Variants in CAMK4 observed in about 807,000 individuals in gnomAD.
The protein encoded by CAMK4 is calcium/calmodulin-dependent protein kinase type IV.
A neutral mutation model predicts 44.9 loss-of-function variants in CAMK4; 22 were observed. The ratio of observed to expected loss-of-function variants is 0.49; its 90% CI spans 0.35 to 0.70. CAMK4 has a LOEUF of 0.70. Among genes scored for constraint, CAMK4 ranks in the 30% least tolerant of loss-of-function variants. The pLI, the probability that CAMK4 is intolerant of heterozygous loss-of-function variation, is 0.01. For missense variants in CAMK4, 498 were observed against 586.8 expected (o/e 0.85, Z 1.56); for synonymous variants, 218 against 215.4 (o/e 1.01, Z -0.11).
At chr5:111,427,475 C>A (rs1371742422) in intron 5 of CAMK4, among the ~76,000 whole-genome samples, 1 of 152,166 alleles carries the variant, frequency 6.6e-6, no homozygotes, top group Non-Finnish European at 1.5e-5. Flanking sequence ...GAACTTGAAT[C>A]TTGGGTGGCA....
At chr5:111,247,631 C>G (rs1039994004) in intron 1 of CAMK4, among the ~76,000 whole-genome samples, 2 of 151,904 alleles carry the variant, frequency 1.3e-5, no homozygotes, top group Non-Finnish European at 2.9e-5. Context: ...GGAACTAATA[C>G]TATAGCTTTG....
rs967868048 is a variant in CAMK4 at position 111,491,415 on chromosome 5, T to C, written c.*6949T>C. 1 of 151,648 alleles carries C rather than the reference T, an allele frequency of 6.6e-6. No individual in the cohort carries two copies. Among genetic ancestry groups the C allele is most frequent in the Non-Finnish European group, 1.5e-5 (1 of 67,918 alleles). The allele number at this position is 151,648 out of a possible 1,614,324, so 9.4% of individuals were successfully genotyped here. ...TTTGGTGACTTGCAGGAATACAGATTCCTATATTCCAGTTTGTTTTTTTTT... is the reference window on the plus strand; with the variant it reads ...TTTGGTGACTTGCAGGAATACAGATCCCTATATTCCAGTTTGTTTTTTTTT... On this transcript the variant is annotated 3_prime_UTR_variant, in exon 11 of 11. Transcript: ENST00000282356.
chr5:111,407,832 A>G lies in CAMK4; in HGVS notation c.459+13050A>G, dbSNP rs140222847. On this transcript the variant is annotated intron_variant, in intron 5 of 10. Coordinates refer to ENST00000282356, the MANE Select transcript of CAMK4 (RefSeq NM_001744.6). ...GCAGGCCACAAGAGAAGGGCTTAAG[A>G]AAGAATGACTAGGCTGGGCATGGTG... 3.0e-3 allele frequency among the ~76,000 whole-genome samples: 463 copies of G among 152,328 alleles called. 3 individuals are homozygous for G. The highest frequency in any genetic ancestry group is 0.011 in the African/African-American group (442 of 41,580).
intron 5 of CAMK4, among the ~76,000 whole-genome samples, chr5:111,409,149 A>C (rs759558901): frequency 1.3e-5 from 2 of 152,172 alleles, no homozygotes; most frequent in Non-Finnish European, 2.9e-5. Context: ...TGTGGGGGCT[A>C]CAACCCTATA....
At chr5:111,362,642 C>G (rs1435779543) in intron 2 of CAMK4, among the ~76,000 whole-genome samples, 1 of 151,802 alleles carries the variant, frequency 6.6e-6, no homozygotes, top group African/African-American at 2.4e-5. Flanking sequence ...TGTTGATTTC[C>G]TTCTATCCCT....
chr5:111,462,158 C>A (rs914001676), intron 7 of CAMK4, among the ~76,000 whole-genome samples: 1 of 152,184 alleles, frequency 6.6e-6, no homozygotes, highest in African/African-American at 2.4e-5. Flanking sequence ...ACTTGCAAGT[C>A]TATTCTCTTT....
chr5:111,358,111 G>T (rs1750443423), intron 2 of CAMK4: 1 of 152,090 alleles, frequency 6.6e-6, no homozygotes, highest in Admixed American at 6.6e-5. Context: ...GCACAGAGAA[G>T]CGGAGTGCTG....
chr5:111,373,722 C>T (rs1289170350), intron 2 of CAMK4, among the ~76,000 whole-genome samples: 2 of 152,112 alleles, frequency 1.3e-5, no homozygotes, highest in African/African-American at 4.8e-5. Flanking sequence ...TAGAGTTTGG[C>T]TGTGAATTGC....
At chr5:111,331,398 C>A (rs56830381) in intron 1 of CAMK4, among the ~76,000 whole-genome samples, 1 of 151,680 alleles carries the variant, frequency 6.6e-6, no homozygotes, top group Non-Finnish European at 1.5e-5. Flanking sequence ...CTCATACCCA[C>A]TAAAATAGCA....
chr5:111,411,620 A>G (rs533512585), intron 5 of CAMK4, among the ~76,000 whole-genome samples: 2 of 152,240 alleles, frequency 1.3e-5, no homozygotes, highest in Non-Finnish European at 2.9e-5. Context: ...CAGCATAGAA[A>G]CAAGACAAGT....
chr5:111,459,825 C>T (rs1469284590), intron 7 of CAMK4, among the ~76,000 whole-genome samples: 1 of 151,648 alleles, frequency 6.6e-6, no homozygotes, highest in East Asian at 1.9e-4. Flanking sequence ...GCCTCAGCCT[C>T]CCAAGTAGCT....
intron 5 of CAMK4, among the ~76,000 whole-genome samples, chr5:111,400,841 G>A (rs1424054111): frequency 6.6e-6 from 1 of 152,086 alleles, no homozygotes; most frequent in Non-Finnish European, 1.5e-5. Context: ...TCCTGTAGTA[G>A]CACAATACCA....
At position 111,446,795 on chromosome 5, in the gene CAMK4, G is replaced by C. The variant is rs1278322552; in HGVS notation, c.550+19G>C. On this transcript the variant is annotated intron_variant, in intron 6 of 10. Transcript: ENST00000282356. ...AAAATCGGTGAGAACATTTCTTCTT[G>C]TTTTGTGACCCCTTTTTTCAGAGCA... 1 of 1,470,906 alleles carries C rather than the reference G, an allele frequency of 6.8e-7. No homozygotes were observed. Among genetic ancestry groups the C allele is most frequent in the Non-Finnish European group, 9.5e-7 (1 of 1,049,888 alleles). 91.1% of individuals were successfully genotyped at this position (1,470,906 alleles called of 1,614,324 possible).
chr5:111,407,749 G>A (rs1752488973), intron 5 of CAMK4, among the ~76,000 whole-genome samples: 1 of 152,136 alleles, frequency 6.6e-6, no homozygotes, highest in Admixed American at 6.5e-5. Flanking sequence ...CTCCCTCAGA[G>A]GACAGTGTTT....
chr5:111,242,037 G>A (rs543174665), intron 1 of CAMK4, among the ~76,000 whole-genome samples: 41 of 152,258 alleles, frequency 2.7e-4, no homozygotes, highest in Admixed American at 8.5e-4. Flanking sequence ...GGAAGACCAC[G>A]CAGGCAACTT....
At chr5:111,249,666 A>ATATATATGTGTGTG (rs1242789662) in intron 1 of CAMK4, among the ~76,000 whole-genome samples, 2 of 140,688 alleles carry the variant, frequency 1.4e-5, no homozygotes, top group African/African-American at 5.3e-5. Context: ...GTGTATATAT[A>ATATATATGTGTGTG]TGTGTGTGTG....
In CAMK4 at chr5:111,478,471, C is replaced by T. The variant is rs1755321761; in HGVS notation, c.792C>T (p.Pro264=). The change falls in exon 9 of 11, where the codon CCC becomes CCT. Residue 264 remains proline, a synonymous_variant. Transcript: ENST00000282356. ...ILNCEYYFIS[P]WWDEVSLNAK... ...ATTGTGAATATTACTTTATCTCCCC[C>T]TGGTGGGATGAAGTATCTCTAAATG... The T allele has an allele frequency of 6.5e-7, 1 of 1,544,960 alleles. No individual in the cohort carries two copies.
intron 1 of CAMK4, among the ~76,000 whole-genome samples, chr5:111,292,221 A>T (rs1747295142): frequency 6.6e-6 from 1 of 152,218 alleles, no homozygotes; most frequent in Admixed American, 6.5e-5. Context: ...CCTCATGGAT[A>T]GTGATAGTGT....
rs189936248 is a variant in CAMK4 at position 111,293,219 on chromosome 5, A to C, written c.162-50805A>C. On this transcript the variant is annotated intron_variant, in intron 1 of 10. Transcript: ENST00000282356. Reference sequence around the variant, plus strand: ...CGTATGGAGAAATGGCACGTGTCATACATTGTTCTGGATTCTGGGGTGCCC... The same window carrying C: ...CGTATGGAGAAATGGCACGTGTCATCCATTGTTCTGGATTCTGGGGTGCCC... Among the ~76,000 whole-genome samples the C allele has an allele frequency of 1.1e-4, 16 of 152,312 alleles. No individual in the cohort carries two copies. The East Asian group carries it at 3.1e-3, about 29-fold the overall frequency.
Sources: gnomAD v4.1 joint callset for allele counts (sites outside exome capture counted in the v4.1 genomes callset) on GRCh38, gnomAD v4.1.1 for gene constraint, MANE v1.5 for transcripts, NCBI Gene and HGNC (gene_info 2026-07-23, HGNC 2026-07-21) for gene names.